Variants in KCNQ3 observed in about 807,000 individuals in gnomAD.
The protein encoded by KCNQ3 is potassium voltage-gated channel subfamily Q member 3.
In KCNQ3, 30 loss-of-function variants were observed where a neutral mutation model predicts 92.5. That is an observed-to-expected ratio of 0.32 (90% confidence interval 0.24 to 0.44). The LOEUF is 0.44. Ranked by LOEUF, KCNQ3 falls within the 20% of genes least tolerant of loss-of-function variation. The probability of loss-of-function intolerance (pLI) is 1.00; values close to 1 mark genes in which losing one functional copy is unlikely to be tolerated. For synonymous variants in KCNQ3, 450 were observed against 468.8 expected, an observed-to-expected ratio of 0.96 and a Z score of 0.52; for missense variants, 913 against 1,140.3, an observed-to-expected ratio of 0.80 and a Z score of 2.87.
At chr8:132,359,228 C>T (rs185088747) in intron 1 of KCNQ3, among the ~76,000 whole-genome samples, 6 of 152,300 alleles carry the variant, frequency 3.9e-5, no homozygotes, top group African/African-American at 1.4e-4. Flanking sequence ...CAGGAAAATC[C>T]TCACTCAGTT....
At chr8:132,252,385 G>A (rs1815442348) in intron 1 of KCNQ3, among the ~76,000 whole-genome samples, 1 of 152,104 alleles carries the variant, frequency 6.6e-6, no homozygotes, top group Non-Finnish European at 1.5e-5. Context: ...GCTCTTAAAG[G>A]TGGTGCATCC....
At chr8:132,187,497 T>C (rs1453025540) in intron 1 of KCNQ3, among the ~76,000 whole-genome samples, 1 of 152,224 alleles carries the variant, frequency 6.6e-6, no homozygotes, top group Admixed American at 6.5e-5. Flanking sequence ...TCTCCAATCA[T>C]GCCCAGGAAC....
chr8:132,398,048 G>A (rs977611754), intron 1 of KCNQ3, among the ~76,000 whole-genome samples: 1 of 152,260 alleles, frequency 6.6e-6, no homozygotes, highest in African/African-American at 2.4e-5. Flanking sequence ...GGAAACCAGT[G>A]GTTTCAGAGG....
At chr8:132,275,053 G>A (rs375103706) in intron 1 of KCNQ3, among the ~76,000 whole-genome samples, 12 of 152,180 alleles carry the variant, frequency 7.9e-5, no homozygotes, top group East Asian at 5.8e-4. Context: ...TGGGAGGGGC[G>A]TGGGGAGGTG....
intron 9 of KCNQ3, among the ~76,000 whole-genome samples, chr8:132,152,208 A>C (rs1825658813): frequency 6.6e-6 from 1 of 152,220 alleles, no homozygotes; most frequent in African/African-American, 2.4e-5. Context: ...GGACTCATGA[A>C]GAGCTAAAAT....
intron 1 of KCNQ3, among the ~76,000 whole-genome samples, chr8:132,257,140 T>A (rs977622672): frequency 6.6e-6 from 1 of 152,014 alleles, no homozygotes. Flanking sequence ...AGGAGCAAAA[T>A]TTTTTTGTAA....
chr8:132,221,588 G>C (rs141742626), intron 1 of KCNQ3, among the ~76,000 whole-genome samples: 51 of 152,164 alleles, frequency 3.4e-4, no homozygotes, highest in Non-Finnish European at 5.3e-4. Context: ...ATTTTTTCAT[G>C]TGTCTGTTGC....
chr8:132,138,360 T>C (rs918177651), intron 11 of KCNQ3, among the ~76,000 whole-genome samples: 4 of 152,222 alleles, frequency 2.6e-5, no homozygotes, highest in Non-Finnish European at 5.9e-5. Flanking sequence ...TGATTGTGAT[T>C]TGAACCTTCA....
chr8:132,291,429 C>T (rs937563364), intron 1 of KCNQ3, among the ~76,000 whole-genome samples: 2 of 152,174 alleles, frequency 1.3e-5, no homozygotes, highest in African/African-American at 4.8e-5. Context: ...TTCTCCAGGA[C>T]ATTGCCGATG....
At chr8:132,350,579 G>T (rs1027143478) in intron 1 of KCNQ3, among the ~76,000 whole-genome samples, 3 of 152,212 alleles carry the variant, frequency 2.0e-5, no homozygotes, top group African/African-American at 7.2e-5. Context: ...CTGCCAACCA[G>T]GCAAGCGGGG....
intron 8 of KCNQ3, among the ~76,000 whole-genome samples, chr8:132,166,588 C>A (rs975196388): frequency 6.6e-6 from 1 of 152,154 alleles, no homozygotes; most frequent in Non-Finnish European, 1.5e-5. Context: ...CTTCTGGGGG[C>A]TCTCAGGTTT....
chr8:132,479,751 G>C (rs1822500072), intron 1 of KCNQ3, among the ~76,000 whole-genome samples: 1 of 151,692 alleles, frequency 6.6e-6, no homozygotes, highest in South Asian at 2.1e-4. Flanking sequence ...GAAACACAGA[G>C]CTCACGGGAG....
At chr8:132,132,298 A>T in intron 13 of KCNQ3, 34 bp from the exon 14 acceptor site, 1 of 1,547,802 alleles carries the variant, frequency 6.5e-7, no homozygotes, top group Non-Finnish European at 8.9e-7. Flanking sequence ...TAAGATCATT[A>T]TATCTATTTT....
intron 1 of KCNQ3, among the ~76,000 whole-genome samples, chr8:132,229,654 T>C (rs1244694793): frequency 6.6e-6 from 1 of 151,850 alleles, no homozygotes; most frequent in African/African-American, 2.4e-5. Flanking sequence ...TTTGGAGTCA[T>C]AAGCCAAAAG....
intron 1 of KCNQ3, among the ~76,000 whole-genome samples, chr8:132,427,440 A>G (rs565791805): frequency 2.2e-4 from 34 of 152,324 alleles, no homozygotes; most frequent in African/African-American, 7.5e-4. Context: ...TGACCTCAGG[A>G]AGGAGAGAGA....
At chr8:132,255,322 A>G (rs1294763262) in intron 1 of KCNQ3, among the ~76,000 whole-genome samples, 1 of 152,166 alleles carries the variant, frequency 6.6e-6, no homozygotes, top group African/African-American at 2.4e-5. Flanking sequence ...AACTTTCCCA[A>G]AGAGGGCAGA....
intron 1 of KCNQ3, among the ~76,000 whole-genome samples, chr8:132,259,709 A>G (rs887038607): frequency 6.6e-6 from 1 of 152,154 alleles, no homozygotes; most frequent in African/African-American, 2.4e-5. Context: ...GAAGAATTAA[A>G]CTATTTCTGT....
intron 1 of KCNQ3, among the ~76,000 whole-genome samples, chr8:132,369,110 T>G (rs1470639891): frequency 1.3e-5 from 2 of 152,190 alleles, no homozygotes; most frequent in African/African-American, 2.4e-5. Flanking sequence ...TTCTCATGAT[T>G]AGACTGGGTT....
chr8:132,171,431 C>T (rs771147680), intron 7 of KCNQ3, among the ~76,000 whole-genome samples: 39 of 152,108 alleles, frequency 2.6e-4, no homozygotes, highest in Non-Finnish European at 5.3e-4. Flanking sequence ...GTGCCCTCAT[C>T]CTCCAATAAC....
Sources: gnomAD v4.1 joint callset for allele counts (sites outside exome capture counted in the v4.1 genomes callset) on GRCh38, gnomAD v4.1.1 for gene constraint, MANE v1.5 for transcripts, NCBI Gene and HGNC (gene_info 2026-07-23, HGNC 2026-07-21) for gene names.